Variants in SYNCRIP observed in about 807,000 individuals in gnomAD.
The protein encoded by SYNCRIP is synaptotagmin binding cytoplasmic RNA interacting protein, also known as heterogeneous nuclear ribonucleoprotein Q.
Under a neutral mutation model 68.9 loss-of-function variants are expected in SYNCRIP, and 9 were observed. The ratio of observed to expected loss-of-function variants is 0.13; its 90% confidence interval spans 0.08 to 0.23. SYNCRIP has a LOEUF of 0.23. Ranked by LOEUF, SYNCRIP falls within the 10% of genes least tolerant of loss-of-function variation. The pLI, the probability that SYNCRIP is intolerant of heterozygous loss-of-function variation, is 1.00. For synonymous variants in SYNCRIP, 258 were observed against 254.0 expected, an observed-to-expected ratio of 1.02 and a Z score of -0.15; for missense variants, 414 against 770.6, an observed-to-expected ratio of 0.54 and a Z score of 5.48.
At chr6:85,626,949 C>T (rs116560327) in intron 6 of SYNCRIP, among the ~76,000 whole-genome samples, 2,417 of 152,180 alleles carry the variant, frequency 0.016, 61 homozygotes, top group African/African-American at 0.054. Context: ...ACTGCTGATT[C>T]CTCCCTACCC....
chr6:85,615,995 C>T (rs1277069075), intron 10 of SYNCRIP, among the ~76,000 whole-genome samples: 1 of 152,140 alleles, frequency 6.6e-6, no homozygotes, highest in South Asian at 2.1e-4. Flanking sequence ...TACAATAATG[C>T]TATCCAAGTA....
chr6:85,626,476 G>A (rs1807045590), intron 6 of SYNCRIP, among the ~76,000 whole-genome samples: 1 of 151,940 alleles, frequency 6.6e-6, no homozygotes, highest in South Asian at 2.1e-4. Context: ...GGGGGGAACT[G>A]GTATTTTCCA....
rs781083306 is a variant in SYNCRIP at position 85,629,516 on chromosome 6, C to CAAAAAAAAAAAAAA, written c.667-5418_667-5405dup. On this transcript the variant is annotated intron_variant, in intron 6 of 10. Coordinates refer to ENST00000369622, the MANE Select transcript of SYNCRIP (RefSeq NM_006372.5). ...CAGCCTGGTCAACAAACTAAAAATACAAAAAAAAAAAAAAAAAAAAAAAAG... is the reference window on the plus strand; with the variant it reads ...CAGCCTGGTCAACAAACTAAAAATACAAAAAAAAAAAAAAAAAAAAAAAAAAAAAAAAAAAAAAG... Among the ~76,000 whole-genome samples the CAAAAAAAAAAAAAA allele has an allele frequency of 1.9e-3, 120 of 64,864 alleles. 1 individual carries two copies. The highest frequency in any genetic ancestry group is 2.1e-3 in the South Asian group (3 of 1,404). 42.6% of individuals were successfully genotyped at this position (64,864 alleles called of 152,430 possible). A position where few individuals can be genotyped will look rare whatever the true frequency, so the allele number is the denominator to read the frequency against.
chr6:85,625,956 G>A (rs1806987844), intron 6 of SYNCRIP, among the ~76,000 whole-genome samples: 1 of 152,168 alleles, frequency 6.6e-6, no homozygotes, highest in Non-Finnish European at 1.5e-5. Context: ...TATCTACTGG[G>A]TAGACAGAAG....
chr6:85,641,518 C>T, intron 1 of SYNCRIP, 67 bp from the exon 2 acceptor site: 1 of 1,476,020 alleles, frequency 6.8e-7, no homozygotes, highest in Non-Finnish European at 9.1e-7. Context: ...ATATGAGAGC[C>T]CCATCTTTAC....
chr6:85,620,698 G>A (rs1486159906), intron 8 of SYNCRIP, among the ~76,000 whole-genome samples: 1 of 152,152 alleles, frequency 6.6e-6, no homozygotes, highest in African/African-American at 2.4e-5. Flanking sequence ...TACTATTCCA[G>A]TGCAGGATAC....
chr6:85,622,360 A>C (rs1203064878), intron 8 of SYNCRIP, 122 bp downstream of exon 8: 1 of 957,618 alleles, frequency 1.0e-6, no homozygotes, highest in African/African-American at 1.7e-5. Context: ...CATGGGAAAC[A>C]AGAGACTCTT....
At chr6:85,622,067 G>C (rs1806475107) in intron 8 of SYNCRIP, among the ~76,000 whole-genome samples, 1 of 150,904 alleles carries the variant, frequency 6.6e-6, no homozygotes, top group Admixed American at 6.6e-5. Context: ...CTAAAAATAT[G>C]GTTTAAAAAA....
chr6:85,624,956 A>G (rs113230163), intron 6 of SYNCRIP, among the ~76,000 whole-genome samples: 2,203 of 152,308 alleles, frequency 0.014, 49 homozygotes, highest in African/African-American at 0.051. Flanking sequence ...CTCAAAATCT[A>G]TTCTACACGT....
downstream of SYNCRIP, chr6:85,611,359 G>A (rs1411524813): frequency 6.6e-6 from 1 of 152,546 alleles, no homozygotes; most frequent in Non-Finnish European, 1.5e-5. Flanking sequence ...AATGCAAAAT[G>A]ATTGTTTGCC....
chr6:85,624,164 C>G (rs2128286990), intron 6 of SYNCRIP, 52 bp from the exon 7 acceptor site: 1 of 1,536,744 alleles, frequency 6.5e-7, no homozygotes, highest in Non-Finnish European at 8.9e-7. Context: ...ACAACTAGAA[C>G]AGTTAATTAT....
At chr6:85,625,858 G>A (rs958446105) in intron 6 of SYNCRIP, among the ~76,000 whole-genome samples, 56 of 152,302 alleles carry the variant, frequency 3.7e-4, no homozygotes, top group African/African-American at 1.3e-3. Context: ...CAGACCAACA[G>A]TTCTCAACAG....
chr6:85,610,844 G>A (rs1267534006), downstream of SYNCRIP: 1 of 152,002 alleles, frequency 6.6e-6, no homozygotes, highest in Non-Finnish European at 1.5e-5. Flanking sequence ...AAATGTAAAT[G>A]TTTTGTGTAG....
intron 10 of SYNCRIP, among the ~76,000 whole-genome samples, chr6:85,618,022 T>C (rs1301648789): frequency 3.3e-5 from 5 of 152,204 alleles, no homozygotes; most frequent in Non-Finnish European, 7.3e-5. Flanking sequence ...TACTGTGTTA[T>C]AATTTTAATA....
intron 8 of SYNCRIP, among the ~76,000 whole-genome samples, chr6:85,621,019 C>A (rs1348705991): frequency 1.3e-5 from 2 of 152,172 alleles, no homozygotes; most frequent in African/African-American, 2.4e-5. Context: ...ATTAGTAAGA[C>A]AAACTGTTCT....
intron 7 of SYNCRIP, 42 bp downstream of exon 7, chr6:85,623,935 A>G: frequency 6.2e-7 from 1 of 1,605,864 alleles, no homozygotes; most frequent in Non-Finnish European, 8.5e-7. Flanking sequence ...ATTAATCTTC[A>G]TTATTAAAAG....
At chr6:85,642,523 C>T (rs528547257) in intron 1 of SYNCRIP, among the ~76,000 whole-genome samples, 6 of 152,292 alleles carry the variant, frequency 3.9e-5, no homozygotes, top group African/African-American at 1.4e-4. Context: ...AGCACCAACT[C>T]TGAAGCCGCT....
downstream of SYNCRIP, chr6:85,610,295 T>G (rs1805140236): frequency 6.6e-6 from 1 of 151,964 alleles, no homozygotes; most frequent in Non-Finnish European, 1.5e-5. Flanking sequence ...TGATATTTAA[T>G]TTTAAAAGTA....
At chr6:85,620,284 C>A (rs945980109) in intron 8 of SYNCRIP, among the ~76,000 whole-genome samples, 4 of 152,130 alleles carry the variant, frequency 2.6e-5, no homozygotes, top group African/African-American at 9.7e-5. Context: ...TTGGAAGAAA[C>A]CAAGATGTTC....
Sources: allele counts gnomAD v4.1 joint callset (sites outside exome capture counted in the v4.1 genomes callset), GRCh38; gene constraint gnomAD v4.1.1; transcripts MANE v1.5; gene names NCBI Gene and HGNC (gene_info 2026-07-23, HGNC 2026-07-21).